The following AATF variants were observed in gnomAD, a reference collection of about 807,000 sequenced individuals.
AATF encodes the protein apoptosis antagonizing transcription factor.
Under a neutral mutation model 63.7 loss-of-function variants are expected in AATF, and 48 were observed. The ratio of observed to expected loss-of-function variants is 0.75; its 90% CI spans 0.60 to 0.96. The LOEUF (loss-of-function observed/expected upper bound fraction) is 0.96, where lower values mean the gene tolerates loss of function less well. AATF is among the 40% of genes least tolerant of loss of function. The pLI is 0.00. For missense variants in AATF, 639 were observed against 685.7 expected, an observed-to-expected ratio of 0.93 and a Z score of 0.76; for synonymous variants, 258 against 247.7, an observed-to-expected ratio of 1.04 and a Z score of -0.39.
chr17:37,042,578 CTTT>C (rs746570954), intron 11 of AATF, among the ~76,000 whole-genome samples: 3 of 131,798 alleles, frequency 2.3e-5, no homozygotes, highest in Non-Finnish European at 3.2e-5. Flanking sequence ...CCACACCCAG[CTTT>C]TTTTTTTTTT....
chr17:36,972,052 G>A (rs939608226), intron 4 of AATF, among the ~76,000 whole-genome samples: 4 of 152,030 alleles, frequency 2.6e-5, no homozygotes, highest in East Asian at 3.9e-4. Context: ...TGTTGTGTAC[G>A]TTTTGCTTGG....
At chr17:36,971,751 G>T (rs1003542200) in intron 4 of AATF, among the ~76,000 whole-genome samples, 2 of 152,180 alleles carry the variant, frequency 1.3e-5, no homozygotes, top group Non-Finnish European at 2.9e-5. Context: ...ATGCAAAAAC[G>T]TGGATGAACC....
chr17:37,003,795 AG>A (rs2071320659), intron 8 of AATF, among the ~76,000 whole-genome samples: 1 of 149,314 alleles, frequency 6.7e-6, no homozygotes, highest in Non-Finnish European at 1.5e-5. Context: ...AGAGTGGTGG[AG>A]GGGGTTCAAG....
At chr17:36,949,262 C>A in intron 1 of AATF, 46 bp downstream of exon 1, 1 of 1,531,970 alleles carries the variant, frequency 6.5e-7, no homozygotes, top group Non-Finnish European at 8.8e-7. Flanking sequence ...GTGGGCCAGG[C>A]CCTGTGGGGC....
chr17:37,006,460 AC>A, intron 8 of AATF, among the ~76,000 whole-genome samples: 1 of 152,074 alleles, frequency 6.6e-6, no homozygotes, highest in African/African-American at 2.4e-5. Context: ...CAAGAGCAAA[AC>A]TCCGTCTCAA....
chr17:37,037,651 T>G (rs1567993059), intron 11 of AATF, among the ~76,000 whole-genome samples: 2 of 152,162 alleles, frequency 1.3e-5, no homozygotes, highest in African/African-American at 4.8e-5. Flanking sequence ...ATGCCCCCCA[T>G]AAATAAGTAC....
chr17:36,953,237 T>C lies in AATF; in HGVS notation c.635T>C (p.Phe212Ser). Residue 212 changes from phenylalanine to serine, a missense_variant, in exon 3 of 12, where the codon TTC becomes TCC. Phe to Ser is a radical substitution (Grantham distance 155). Coordinates refer to ENST00000619387, the MANE Select transcript of AATF (RefSeq NM_012138.4). ...GAGGATGATGGTGTGGTGATGACCT[T>C]CTCTAGTGTCAAAGTTTCTGAGGAA... ...NSEDDGVVMT[F>S]SSVKVSEEVE... is the part of the protein sequence containing the mutation. The C allele has an allele frequency of 6.2e-7, 1 of 1,614,108 alleles. No individual in the cohort carries two copies. Among genetic ancestry groups the C allele is most frequent in the Non-Finnish European group, 8.5e-7 (1 of 1,180,014 alleles).
intron 11 of AATF, among the ~76,000 whole-genome samples, chr17:37,050,319 G>A (rs1260991195): frequency 6.6e-6 from 1 of 152,172 alleles, no homozygotes; most frequent in Non-Finnish European, 1.5e-5. Flanking sequence ...TGCCTTTCAT[G>A]TCTTTGTGAA....
rs567913791 is a variant in AATF at position 36,949,091 on chromosome 17, G to C, written c.-35G>C. ...GCCGGGGGTTGGGCCGCACATTTAC[G>C]TGCGCGAAGCGGAGTGGACCGGGAG... is the stretch of plus-strand genomic sequence containing the variant. On this transcript the variant is annotated 5_prime_UTR_variant, in exon 1 of 12. Transcript: ENST00000619387. 1.3e-6 allele frequency: 2 copies of C among 1,528,990 alleles called. No homozygotes were observed. The highest frequency in any genetic ancestry group is 4.8e-5 in the East Asian group (2 of 41,750). The allele number at this position is 1,528,990 out of a possible 1,614,324, so 94.7% of individuals were successfully genotyped here.
intron 5 of AATF, among the ~76,000 whole-genome samples, chr17:36,988,238 AC>A (rs749924620): frequency 1.2e-4 from 19 of 152,098 alleles, no homozygotes; most frequent in Non-Finnish European, 2.5e-4. Context: ...AATTGCTTGA[AC>A]CCAGAAGTGG....
intron 8 of AATF, among the ~76,000 whole-genome samples, chr17:36,994,294 T>G (rs1178951132): frequency 6.6e-6 from 1 of 152,238 alleles, no homozygotes; most frequent in African/African-American, 2.4e-5. Context: ...AGTTTTCACT[T>G]TGTAAATAAA....
intron 4 of AATF, among the ~76,000 whole-genome samples, chr17:36,983,604 T>G (rs2071144381): frequency 6.6e-6 from 1 of 150,606 alleles, no homozygotes; most frequent in Non-Finnish European, 1.5e-5. Flanking sequence ...GCCGACCTCG[T>G]CCTCCCAAAG....
Position 36,988,506 on chromosome 17 carries a change from A to G in AATF, c.948-13A>G. ...TGTTTACACTGGACATAATATTCTT[A>G]CTGCTTTTCTAGTGAGGAGATTTCT... On this transcript the variant is annotated splice_polypyrimidine_tract_variant and intron_variant, in intron 5 of 11. Coordinates refer to ENST00000619387, the MANE Select transcript of AATF (RefSeq NM_012138.4). 1 of 1,612,890 alleles carries G rather than the reference A, an allele frequency of 6.2e-7. No individual in the cohort carries two copies. Among genetic ancestry groups the G allele is most frequent in the Non-Finnish European group, 8.5e-7 (1 of 1,179,388 alleles).
chr17:37,019,033 C>T lies in AATF; in HGVS notation c.1427C>T (p.Thr476Ile). 6.2e-7 allele frequency: 1 copy of T among 1,614,118 alleles called. No individual in the cohort carries two copies. The highest frequency in any genetic ancestry group is 1.1e-5 in the South Asian group (1 of 91,080). Residue 476 changes from threonine (T) to isoleucine (I), a missense_variant, in exon 9 of 12, where the codon ACC becomes ATC. Transcript: ENST00000619387. ...QLLRELIERK[T>I]SSLDPNDQVA... ...CTTCGAGAACTCATAGAACGGAAGA[C>T]CAGCTCCTTGGATCCCAACGATCAG...
intron 4 of AATF, among the ~76,000 whole-genome samples, chr17:36,973,305 C>T (rs572711137): frequency 3.0e-4 from 46 of 152,090 alleles, no homozygotes; most frequent in Non-Finnish European, 5.3e-4. Context: ...TTTTAAAGGA[C>T]TGTGTACAAC....
At chr17:37,043,727 A>G (rs1634332) in intron 11 of AATF, among the ~76,000 whole-genome samples, 65,092 of 152,018 alleles carry the variant, frequency 0.43, 17,441 homozygotes, top group African/African-American at 0.77. Flanking sequence ...CTCTGAGCTC[A>G]GCGCTGACTC....
intron 8 of AATF, among the ~76,000 whole-genome samples, chr17:36,996,277 C>CA (rs1159023770): frequency 2.0e-5 from 3 of 151,248 alleles, no homozygotes; most frequent in Non-Finnish European, 2.9e-5. Flanking sequence ...ACAAAAAATG[C>CA]AAAAAAAATG....
At chr17:36,975,010 GTTATT>G (rs2071069206) in intron 4 of AATF, among the ~76,000 whole-genome samples, 2 of 152,208 alleles carry the variant, frequency 1.3e-5, no homozygotes, top group African/African-American at 4.8e-5. Context: ...GTTGTGAGAT[GTTATT>G]TTCTTTCAGA....
intron 4 of AATF, among the ~76,000 whole-genome samples, chr17:36,984,999 T>C (rs1042459175): frequency 5.9e-5 from 9 of 151,690 alleles, no homozygotes; most frequent in African/African-American, 2.2e-4. Flanking sequence ...CCTCCCAGGT[T>C]CAAGCAATTC....
Sources: allele counts gnomAD v4.1 joint callset (sites outside exome capture counted in the v4.1 genomes callset), GRCh38; gene constraint gnomAD v4.1.1; transcripts MANE v1.5; gene names NCBI Gene and HGNC (gene_info 2026-07-23, HGNC 2026-07-21).